Variants in MPZL3 observed in about 807,000 individuals in gnomAD.
MPZL3 encodes the protein myelin protein zero like 3, also known as myelin protein zero-like protein 3.
In MPZL3, 23 loss-of-function variants were observed where a neutral mutation model predicts 24.8. The observed-to-expected ratio is 0.93, with a 90% CI of 0.67 to 1.31. MPZL3 has a LOEUF of 1.31. MPZL3 is among the 40% of genes most tolerant of loss of function. The probability of loss-of-function intolerance (pLI) is 0.00; values close to 1 mark genes in which losing one functional copy is unlikely to be tolerated. For missense variants in MPZL3, 277 were observed against 294.9 expected (o/e 0.94, Z 0.44); for synonymous variants, 99 against 106.5 (o/e 0.93, Z 0.44).
intron 1 of MPZL3, among the ~76,000 whole-genome samples, chr11:118,249,981 C>A (rs1949599834): frequency 7.0e-6 from 1 of 142,562 alleles, no homozygotes; most frequent in Non-Finnish European, 1.5e-5. Context: ...TGTGTAATTC[C>A]ATTTACTTTA....
At chr11:118,251,517 G>A (rs915340370) in intron 1 of MPZL3, among the ~76,000 whole-genome samples, 12 of 151,744 alleles carry the variant, frequency 7.9e-5, no homozygotes, top group Non-Finnish European at 1.5e-5. Flanking sequence ...AATTAGGCTG[G>A]ATTGAAATTT....
At chr11:118,236,537 CAT>C (rs1481332173) in intron 3 of MPZL3, among the ~76,000 whole-genome samples, 4 of 151,860 alleles carry the variant, frequency 2.6e-5, no homozygotes, top group African/African-American at 9.7e-5. Flanking sequence ...CAGGGAATAA[CAT>C]AGAAAAAAAA....
At chr11:118,243,520 G>A (rs1285323630) in intron 1 of MPZL3, among the ~76,000 whole-genome samples, 1 of 152,182 alleles carries the variant, frequency 6.6e-6, no homozygotes, top group Non-Finnish European at 1.5e-5. Context: ...TATAATCCCA[G>A]CACTTTGGGA....
intron 1 of MPZL3, among the ~76,000 whole-genome samples, chr11:118,246,590 T>TC (rs1215596617): frequency 6.8e-6 from 1 of 146,800 alleles, no homozygotes; most frequent in East Asian, 2.0e-4. Flanking sequence ...CTTTTCTTTT[T>TC]TTTTTTTTTT....
At chr11:118,233,288 A>C (rs1175135995) in intron 5 of MPZL3, among the ~76,000 whole-genome samples, 172 bp downstream of exon 5, 1 of 152,104 alleles carries the variant, frequency 6.6e-6, no homozygotes, top group Non-Finnish European at 1.5e-5. Context: ...TCTTGGTTAG[A>C]ATTGGTAGGG....
intron 1 of MPZL3, among the ~76,000 whole-genome samples, chr11:118,241,825 C>G (rs910970881): frequency 6.6e-6 from 1 of 152,196 alleles, no homozygotes; most frequent in Non-Finnish European, 1.5e-5. Flanking sequence ...CTAATAAGAA[C>G]TCATAAGAAT....
chr11:118,246,203 G>A (rs1949554672), intron 1 of MPZL3, among the ~76,000 whole-genome samples: 1 of 152,116 alleles, frequency 6.6e-6, no homozygotes, highest in African/African-American at 2.4e-5. Context: ...TGAATATACA[G>A]TCATTCAACA....
chr11:118,241,673 C>G (rs7118127), intron 1 of MPZL3, among the ~76,000 whole-genome samples: 6,326 of 152,306 alleles, frequency 0.042, 462 homozygotes, highest in African/African-American at 0.14. Context: ...CCCACACACT[C>G]TCAACCTTTC....
At chr11:118,250,494 T>C (rs548229524) in intron 1 of MPZL3, among the ~76,000 whole-genome samples, 8 of 152,296 alleles carry the variant, frequency 5.3e-5, no homozygotes, top group Admixed American at 2.0e-4. Context: ...GTGAATATAC[T>C]AAAAACCATT....
rs534478387 is a variant in MPZL3 at position 118,226,996 on chromosome 11, T to C, written c.*2898A>G. 1 of 152,382 alleles carries C rather than the reference T, an allele frequency of 6.6e-6. No homozygotes were observed. Among genetic ancestry groups the C allele is most frequent in the Non-Finnish European group, 1.5e-5 (1 of 68,036 alleles). The allele number at this position is 152,382 out of a possible 1,614,324, so 9.4% of individuals were successfully genotyped here. The stretch of plus-strand genomic sequence containing the variant: ...CTTAGTAGAACATTCATATTCAGGA[T>C]GTGGCCTCCAGAAGTGTCGTTTTGT... On this transcript the variant is annotated 3_prime_UTR_variant, in exon 6 of 6. Coordinates refer to ENST00000278949, the MANE Select transcript of MPZL3 (RefSeq NM_198275.3).
Position 118,252,298 on chromosome 11 carries a change from G to T in MPZL3, c.-4C>A, listed in dbSNP as rs1949631333. 6.2e-7 allele frequency: 1 copy of T among 1,613,750 alleles called. No homozygotes were observed. The highest frequency in any genetic ancestry group is 8.5e-7 in the Non-Finnish European group (1 of 1,179,814). ...CAGCTGCTCCTCTCTGCTGCATCCC[G>T]GCAGCTCTTCAGATGCTTGCACACC... On this transcript the variant is annotated 5_prime_UTR_variant, in exon 1 of 6. Transcript: ENST00000278949.
chr11:118,244,981 C>T (rs557778045), intron 1 of MPZL3, among the ~76,000 whole-genome samples: 2 of 151,896 alleles, frequency 1.3e-5, no homozygotes, highest in South Asian at 4.2e-4. Flanking sequence ...GAGGCTGAGG[C>T]AGGATAATGG....
chr11:118,232,098 T>C (rs1705723698), intron 5 of MPZL3, among the ~76,000 whole-genome samples: 1 of 152,200 alleles, frequency 6.6e-6, no homozygotes, highest in Non-Finnish European at 1.5e-5. Context: ...TGTCAACAAA[T>C]AGTATTCTTT....
At chr11:118,239,806 C>T (rs536003511) in intron 2 of MPZL3, among the ~76,000 whole-genome samples, 6 of 152,304 alleles carry the variant, frequency 3.9e-5, no homozygotes, top group African/African-American at 1.4e-4. Flanking sequence ...ATTGAGACAA[C>T]TTAATATGAC....
intron 1 of MPZL3, among the ~76,000 whole-genome samples, chr11:118,240,783 A>ACACACACACACTCT (rs1418485892): frequency 2.8e-5 from 4 of 140,550 alleles, no homozygotes; most frequent in Non-Finnish European, 6.2e-5. Context: ...ACACACACAC[A>ACACACACACACTCT]CTCTGGGAAT....
intron 2 of MPZL3, 51 bp downstream of exon 2, chr11:118,240,160 C>T (rs541335237): frequency 3.4e-6 from 5 of 1,479,636 alleles, no homozygotes; most frequent in Middle Eastern, 1.8e-4. Flanking sequence ...TGCAGTAAAA[C>T]AATTCCAAAA....
intron 5 of MPZL3, among the ~76,000 whole-genome samples, chr11:118,231,641 C>T (rs1591489458): frequency 6.6e-6 from 1 of 152,196 alleles, no homozygotes; most frequent in Admixed American, 6.5e-5. Flanking sequence ...AAGTTTGATT[C>T]ACCCACAGAC....
chr11:118,252,274 A>T lies in MPZL3; in HGVS notation c.21T>A (p.Ala7=). Residue 7 remains alanine, a synonymous_variant, in exon 1 of 6, where the codon GCT becomes GCA. Transcript: ENST00000278949. ...GGAAGAGAGCGCAGCCACGGCTTCC[A>T]GCTGCTCCTCTCTGCTGCATCCCGG... is the stretch of plus-strand genomic sequence containing the variant. The part of the protein sequence containing the change: MQQRGA[A]GSRGCALFPL... 6.2e-7 allele frequency: 1 copy of T among 1,614,056 alleles called. No homozygotes were observed.
chr11:118,236,891 A>G (rs989482548), intron 3 of MPZL3, among the ~76,000 whole-genome samples, 159 bp downstream of exon 3: 21 of 152,266 alleles, frequency 1.4e-4, no homozygotes, highest in Non-Finnish European at 2.9e-4. Context: ...ATTCACCCCA[A>G]CATACATATT....
Sources: gnomAD v4.1 joint callset for allele counts (sites outside exome capture counted in the v4.1 genomes callset) on GRCh38, gnomAD v4.1.1 for gene constraint, MANE v1.5 for transcripts, NCBI Gene and HGNC (gene_info 2026-07-23, HGNC 2026-07-21) for gene names.